CALCOCO1: variants seen among roughly 807,000 people sequenced by gnomAD.
CALCOCO1 encodes the protein calcium binding and coiled-coil domain 1, also known as calcium-binding and coiled-coil domain-containing protein 1.
A neutral mutation model predicts 86.3 loss-of-function variants in CALCOCO1; 44 were observed. That is an observed-to-expected ratio of 0.51 (90% CI 0.40 to 0.66). CALCOCO1 has a LOEUF of 0.66. CALCOCO1 is among the 30% of genes least tolerant of loss of function. The probability of loss-of-function intolerance (pLI) is 0.00; values close to 1 mark genes in which losing one functional copy is unlikely to be tolerated. For missense variants in CALCOCO1, 708 were observed against 851.1 expected (o/e 0.83, Z 2.09); for synonymous variants, 297 against 327.6 (o/e 0.91, Z 1.01).
chr12:53,715,716 G>T, intron 9 of CALCOCO1, 77 bp downstream of exon 9: 3 of 1,564,206 alleles, frequency 1.9e-6, no homozygotes, highest in East Asian at 2.3e-5. Flanking sequence ...CTCCCAGAGG[G>T]TCTGACCACA....
Position 53,713,758 on chromosome 12 carries a change from C to T in CALCOCO1, c.1734G>A (p.Gln578=). ...REASPLVVIS[Q]PAPISPHLSG... ...AGAGGTGAGGAGAAATGGGAGCCGGCTGGCTGATGACAACAAGGGGAGAAG... is the reference window on the plus strand; with the variant it reads ...AGAGGTGAGGAGAAATGGGAGCCGGTTGGCTGATGACAACAAGGGGAGAAG... Residue 578 remains glutamine (Q), a synonymous_variant, in exon 13 of 15, where the codon CAG becomes CAA. Transcript: ENST00000550804. 1 of 1,606,360 alleles carries T rather than the reference C, an allele frequency of 6.2e-7. No homozygotes were observed. Among genetic ancestry groups the T allele is most frequent in the Non-Finnish European group, 8.5e-7 (1 of 1,176,428 alleles).
At chr12:53,715,086 C>T in intron 10 of CALCOCO1, 114 bp downstream of exon 10, 2 of 1,316,112 alleles carry the variant, frequency 1.5e-6, no homozygotes, top group Admixed American at 2.5e-5. Context: ...TGAAATGCCA[C>T]CCAACATGGT....
Position 53,715,870 on chromosome 12 carries a change from C to T in CALCOCO1, c.1183G>A (p.Ala395Thr), listed in dbSNP as rs1201091395. 3.2e-5 allele frequency: 51 copies of T among 1,614,038 alleles called. No homozygotes were observed. The highest frequency in any genetic ancestry group is 4.1e-5 in the Non-Finnish European group (48 of 1,180,046). The change falls in exon 9 of 15, where the codon GCT becomes ACT. Residue 395 changes from alanine (A) to threonine (T), a missense_variant. Coordinates refer to ENST00000550804, the MANE Select transcript of CALCOCO1 (RefSeq NM_020898.3). ...LEVAEVNGRL[A>T]ELGLHLKEEK... ...TCCTTCAAGTGCAAACCGAGCTCAGCCAGCCTGCCGTTAACTTCAGCCACT... is the reference window on the plus strand; with the variant it reads ...TCCTTCAAGTGCAAACCGAGCTCAGTCAGCCTGCCGTTAACTTCAGCCACT...
Position 53,725,248 on chromosome 12 carries a change from C to G in CALCOCO1, c.-6G>C. 2 of 1,581,102 alleles carry G rather than the reference C, an allele frequency of 1.3e-6. No individual in the cohort carries two copies. Among genetic ancestry groups the G allele is most frequent in the Non-Finnish European group, 8.6e-7 (1 of 1,164,758 alleles). ...CTTAGTGGTGATTCTTCCATCCTGG[C>G]CTTGAGATATCTGTCCTCCTATGAA... On this transcript the variant is annotated 5_prime_UTR_variant, in exon 2 of 15. Coordinates refer to ENST00000550804, the MANE Select transcript of CALCOCO1 (RefSeq NM_020898.3).
chr12:53,717,344 G>C (rs1421996565), intron 7 of CALCOCO1, among the ~76,000 whole-genome samples: 2 of 152,218 alleles, frequency 1.3e-5, no homozygotes, highest in African/African-American at 4.8e-5. Context: ...TGGGATTACA[G>C]GCGTGGGCCA....
At chr12:53,725,308 A>G in intron 1 of CALCOCO1, 42 bp from the exon 2 acceptor site, 1 of 1,352,236 alleles carries the variant, frequency 7.4e-7, no homozygotes, top group Non-Finnish European at 9.9e-7. Context: ...TTTCCAGTCC[A>G]CCTCCTTCCC....
At chr12:53,727,194 A>AGGGGGCGCCCCCC (rs1555166757) in intron 1 of CALCOCO1, among the ~76,000 whole-genome samples, 2 of 152,130 alleles carry the variant, frequency 1.3e-5, no homozygotes, top group Non-Finnish European at 2.9e-5. Context: ...GAGGACGACG[A>AGGGGGCGCCCCCC]GGGGGCGCCC....
At chr12:53,713,550 G>C (rs1945636989) in intron 13 of CALCOCO1, 151 bp downstream of exon 13, 1 of 736,054 alleles carries the variant, frequency 1.4e-6, no homozygotes, top group East Asian at 2.6e-5. Context: ...TGTGGTCCCA[G>C]CTACTCTTGG....
At chr12:53,713,623 G>T in intron 13 of CALCOCO1, 78 bp downstream of exon 13, 1 of 1,292,244 alleles carries the variant, frequency 7.7e-7, no homozygotes, top group Non-Finnish European at 1.1e-6. Flanking sequence ...CCAAGATCGT[G>T]CTGCACTCCA....
At chr12:53,724,310 A>G in intron 3 of CALCOCO1, 2 of 382,986 alleles carry the variant, frequency 5.2e-6, no homozygotes, top group Middle Eastern at 3.9e-4. Context: ...AACAGCTTGT[A>G]AGTGTTAGAG....
Position 53,711,940 on chromosome 12 carries a change from A to G in CALCOCO1, c.*4T>C, listed in dbSNP as rs371990232. ...TGTATTTGTGCATGTACGAGGGAGT[A>G]AGATCACTCAAAGGTGAAGGGGTCC... On this transcript the variant is annotated 3_prime_UTR_variant, in exon 15 of 15. Transcript: ENST00000550804. The G allele has an allele frequency of 1.3e-5, 21 of 1,556,280 alleles. No individual in the cohort carries two copies. The highest frequency in any genetic ancestry group is 1.8e-5 in the Non-Finnish European group (21 of 1,152,030).
rs1286244991 is a variant in CALCOCO1 at position 53,711,809 on chromosome 12, A to G, written c.*135T>C. ...AAATCTTGGGATGAAAACAGGGCAC[A>G]CAGAAGCAGTTCTTAGGGAACAGAA... On this transcript the variant is annotated 3_prime_UTR_variant, in exon 15 of 15. Transcript: ENST00000550804. 1.3e-6 allele frequency: 1 copy of G among 749,456 alleles called. No individual in the cohort carries two copies. Among genetic ancestry groups the G allele is most frequent in the African/African-American group, 1.9e-5 (1 of 53,760 alleles). 46.4% of individuals were successfully genotyped at this position (749,456 alleles called of 1,614,324 possible).
chr12:53,713,251 A>G (rs746852830), intron 13 of CALCOCO1, 45 bp from the exon 14 acceptor site: 2 of 1,498,044 alleles, frequency 1.3e-6, no homozygotes, highest in South Asian at 2.3e-5. Flanking sequence ...TGGTGTCCCA[A>G]GATGGGGGAG....
At position 53,716,404 on chromosome 12, in the gene CALCOCO1, T is replaced by G; in HGVS notation, c.861A>C (p.Gln287His). 6.2e-7 allele frequency: 1 copy of G among 1,614,150 alleles called. No homozygotes were observed. Among genetic ancestry groups the G allele is most frequent in the Non-Finnish European group, 8.5e-7 (1 of 1,180,024 alleles). The change falls in exon 8 of 15, where the codon CAA becomes CAC. Residue 287 changes from glutamine to histidine, a missense_variant. By Grantham distance (24) the Gln-to-His change is conservative. Transcript: ENST00000550804. ...AGTGATGGTTCTCCTGTTGTGCCAC[T>G]TGGAGCTCAGCCTGAGGGAAGTGGA... ...ADKEQSEAEL[Q>H]VAQQENHHLN...
At chr12:53,714,460 A>G (rs2120559077) in intron 11 of CALCOCO1, 138 bp downstream of exon 11, 1 of 696,870 alleles carries the variant, frequency 1.4e-6, no homozygotes, top group East Asian at 2.7e-5. Flanking sequence ...CTGCCAAATC[A>G]GCTAATAAGA....
intron 4 of CALCOCO1, among the ~76,000 whole-genome samples, chr12:53,723,272 T>A (rs1412762233): frequency 6.6e-6 from 1 of 152,204 alleles, no homozygotes; most frequent in Non-Finnish European, 1.5e-5. Context: ...TTTCTCTGAA[T>A]GTTCCCTGGA....
chr12:53,712,217 C>A lies in CALCOCO1; in HGVS notation c.1899-96G>T, dbSNP rs966480527. The A allele has an allele frequency of 1.3e-5, 14 of 1,096,410 alleles. No individual in the cohort carries two copies. The African/African-American group carries it at 2.1e-4, about 16-fold the overall frequency. 67.9% of individuals were successfully genotyped at this position (1,096,410 alleles called of 1,614,324 possible). A position where few individuals can be genotyped will look rare whatever the true frequency, so the allele number is the denominator to read the frequency against. ...GAGCAGGACCCATGTGCCTGGGTTC[C>A]CAGGTTATCCTGTGCCTAATGCAGC... On this transcript the variant is annotated intron_variant, in intron 14 of 14. Transcript: ENST00000550804.
chr12:53,718,495 T>C (rs1159599925), intron 7 of CALCOCO1, among the ~76,000 whole-genome samples: 2 of 152,216 alleles, frequency 1.3e-5, no homozygotes, highest in African/African-American at 4.8e-5. Context: ...GAAAGGGTTC[T>C]GCTAAAAAGG....
chr12:53,713,829 A>G lies in CALCOCO1; in HGVS notation c.1663T>C (p.Cys555Arg). The change falls in exon 13 of 15, where the codon TGT (cysteine) becomes CGT (arginine). Residue 555 changes from cysteine (C) to arginine (R), a missense_variant. Physicochemically the swap from Cys to Arg is radical, Grantham distance 180. Coordinates refer to ENST00000550804, the MANE Select transcript of CALCOCO1 (RefSeq NM_020898.3). Reference protein sequence around the residue: ...EDMRLPPYGLCERGDPGSSPA... With the variant: ...EDMRLPPYGLRERGDPGSSPA... ...GAGGAGCCTGGGTCTCCACGCTCAC[A>G]AAGGCCATAGGGTGGGAGCCTCATG... 3 of 1,562,412 alleles carry G rather than the reference A, an allele frequency of 1.9e-6. No individual in the cohort carries two copies. The highest frequency in any genetic ancestry group is 2.6e-6 in the Non-Finnish European group (3 of 1,156,992).
Sources: gnomAD v4.1 joint callset for allele counts (sites outside exome capture counted in the v4.1 genomes callset) on GRCh38, gnomAD v4.1.1 for gene constraint, MANE v1.5 for transcripts, NCBI Gene and HGNC (gene_info 2026-07-23, HGNC 2026-07-21) for gene names.